The following ARPP19 variants were observed in gnomAD, a reference collection of about 807,000 sequenced individuals.
ARPP19 encodes the protein cAMP regulated phosphoprotein 19, also known as cAMP-regulated phosphoprotein 19.
Under a neutral mutation model 12.0 loss-of-function variants are expected in ARPP19, and 8 were observed. The observed-to-expected ratio is 0.67, with a 90% confidence interval of 0.39 to 1.21. The LOEUF is 1.21. Ranked by LOEUF, ARPP19 falls within the 50% of genes most tolerant of loss-of-function variation. The pLI is 0.01. For missense variants in ARPP19, 102 were observed against 136.3 expected, an observed-to-expected ratio of 0.75 and a Z score of 1.25; for synonymous variants, 47 against 50.4, an observed-to-expected ratio of 0.93 and a Z score of 0.29.
chr15:52,559,304 T>C (rs965972804), intron 1 of ARPP19, among the ~76,000 whole-genome samples: 1 of 152,184 alleles, frequency 6.6e-6, no homozygotes, highest in African/African-American at 2.4e-5. Flanking sequence ...GTGTGAGGTA[T>C]GTGATGCAAA....
intron 1 of ARPP19, among the ~76,000 whole-genome samples, chr15:52,559,146 TTA>T (rs753480604): frequency 6.6e-6 from 1 of 152,244 alleles, no homozygotes; most frequent in Non-Finnish European, 1.5e-5. Flanking sequence ...ATTCATCCAT[TTA>T]TGTTATCTCT....
At chr15:52,559,941 T>C (rs889997329) in intron 1 of ARPP19, among the ~76,000 whole-genome samples, 1 of 152,250 alleles carries the variant, frequency 6.6e-6, no homozygotes, top group Non-Finnish European at 1.5e-5. Flanking sequence ...ACTGGAGTCC[T>C]ACATTTCCAA....
intron 1 of ARPP19, among the ~76,000 whole-genome samples, chr15:52,565,527 G>A (rs767457381): frequency 1.3e-5 from 2 of 152,214 alleles, no homozygotes; most frequent in Non-Finnish European, 2.9e-5. Flanking sequence ...GTAGTGCTAT[G>A]TGGGTTCTGC....
chr15:52,569,322 C>G, upstream of ARPP19: 1 of 231,926 alleles, frequency 4.3e-6, no homozygotes, highest in Non-Finnish European at 8.5e-6. Context: ...TTCCACTTAC[C>G]CATCCTCGCC....
At chr15:52,560,870 G>A (rs2078025939) in intron 1 of ARPP19, among the ~76,000 whole-genome samples, 2 of 152,138 alleles carry the variant, frequency 1.3e-5, no homozygotes, top group African/African-American at 4.8e-5. Context: ...AGATAAACAG[G>A]GGCTCTAGTA....
At chr15:52,567,838 C>G (rs1482251141) in intron 1 of ARPP19, among the ~76,000 whole-genome samples, 1 of 152,018 alleles carries the variant, frequency 6.6e-6, no homozygotes, top group African/African-American at 2.4e-5. Flanking sequence ...GACATAAGTG[C>G]AACATTAAGC....
intron 1 of ARPP19, among the ~76,000 whole-genome samples, chr15:52,563,313 T>C (rs148305525): frequency 3.3e-5 from 5 of 152,254 alleles, no homozygotes; most frequent in African/African-American, 7.2e-5. Flanking sequence ...AAATTGATAA[T>C]AGGGTCCGCA....
At chr15:52,557,999 C>A (rs1165702408) in intron 1 of ARPP19, among the ~76,000 whole-genome samples, 1 of 152,206 alleles carries the variant, frequency 6.6e-6, no homozygotes, top group East Asian at 1.9e-4. Flanking sequence ...ACATCCTATT[C>A]TTTAATATAT....
chr15:52,558,302 T>G (rs917895231), intron 1 of ARPP19, among the ~76,000 whole-genome samples: 1 of 151,874 alleles, frequency 6.6e-6, no homozygotes, highest in Admixed American at 6.6e-5. Flanking sequence ...GTTTAAAAAT[T>G]AGCCGGGCAT....
chr15:52,560,501 T>TA (rs2078022586), intron 1 of ARPP19, among the ~76,000 whole-genome samples: 1 of 152,218 alleles, frequency 6.6e-6, no homozygotes, highest in South Asian at 2.1e-4. Flanking sequence ...AAGCCCCTGC[T>TA]AGCTGCAACT....
chr15:52,564,531 A>C (rs1025321923), intron 1 of ARPP19, among the ~76,000 whole-genome samples: 1 of 152,178 alleles, frequency 6.6e-6, no homozygotes, highest in Non-Finnish European at 1.5e-5. Flanking sequence ...AAAACAATTT[A>C]TATCTCTTTA....
rs1003310775 is a variant in ARPP19 at position 52,549,368 on chromosome 15, A to C, written c.*2566T>G. On this transcript the variant is annotated 3_prime_UTR_variant, in exon 3 of 3. Transcript: ENST00000249822. Reference sequence around the variant, plus strand: ...AGCTTTGAGGCAGAACAAAAAAAAAACAAAAATCTAAAACCTCTCTATCCC... The same window carrying C: ...AGCTTTGAGGCAGAACAAAAAAAAACCAAAAATCTAAAACCTCTCTATCCC... 19 of 152,586 alleles carry C rather than the reference A, an allele frequency of 1.2e-4. No individual in the cohort carries two copies. Among genetic ancestry groups the C allele is most frequent in the African/African-American group, 2.7e-4 (11 of 41,440 alleles). The allele number at this position is 152,586 out of a possible 1,614,324, so 9.5% of individuals were successfully genotyped here.
chr15:52,553,618 AAAG>A (rs2077955661), intron 2 of ARPP19, among the ~76,000 whole-genome samples: 1 of 152,240 alleles, frequency 6.6e-6, no homozygotes, highest in African/African-American at 2.4e-5. Flanking sequence ...TATGGTGCTC[AAAG>A]AAGGGGGCTC....
intron 1 of ARPP19, among the ~76,000 whole-genome samples, chr15:52,567,978 C>T (rs1044230577): frequency 3.3e-5 from 5 of 152,282 alleles, no homozygotes; most frequent in East Asian, 3.9e-4. Context: ...ACTTCTCGGC[C>T]AGTCACACCT....
chr15:52,562,644 A>G (rs865894773), intron 1 of ARPP19, among the ~76,000 whole-genome samples: 8 of 151,958 alleles, frequency 5.3e-5, no homozygotes, highest in Admixed American at 1.3e-4. Context: ...AAAAACAAAC[A>G]AACAAAACCC....
At chr15:52,564,360 T>C in intron 1 of ARPP19, 1 of 733,010 alleles carries the variant, frequency 1.4e-6, no homozygotes. Flanking sequence ...GGCAATATGC[T>C]ATCATTGTGC....
Position 52,562,937 on chromosome 15 carries a change from G to A in ARPP19, c.46-5715C>T, listed in dbSNP as rs952769094. Among the ~76,000 whole-genome samples the A allele has an allele frequency of 4.0e-5, 6 of 148,184 alleles. No individual in the cohort carries two copies. In the East Asian group the frequency reaches 8.0e-4, roughly 20 times the overall value. On this transcript the variant is annotated intron_variant, in intron 1 of 2. Transcript: ENST00000249822. ...GGCTGGAGTGTGGTGGCACGATCTC[G>A]GCTCACTGCAACCTCCACCCCTCCC...
intron 1 of ARPP19, among the ~76,000 whole-genome samples, chr15:52,563,856 A>G (rs1386520645): frequency 6.6e-6 from 1 of 152,252 alleles, no homozygotes; most frequent in Non-Finnish European, 1.5e-5. Context: ...TACTGTATCA[A>G]GCTCTATGGA....
chr15:52,564,204 G>A, intron 1 of ARPP19: 2 of 1,533,914 alleles, frequency 1.3e-6, no homozygotes, highest in Non-Finnish European at 1.7e-6. Flanking sequence ...AGGCTGTTAG[G>A]AATCGATGGT....
Sources: allele counts gnomAD v4.1 joint callset (sites outside exome capture counted in the v4.1 genomes callset), GRCh38; gene constraint gnomAD v4.1.1; transcripts MANE v1.5; gene names NCBI Gene and HGNC (gene_info 2026-07-23, HGNC 2026-07-21).